PPP2R5A: variants seen among roughly 807,000 people sequenced by gnomAD.
The protein encoded by PPP2R5A is protein phosphatase 2 regulatory subunit B'alpha.
PPP2R5A carries 25 observed loss-of-function variants against 64.2 expected under a neutral mutation model. The observed-to-expected ratio is 0.39, with a 90% CI of 0.28 to 0.54. The LOEUF is 0.54. Ranked by LOEUF, PPP2R5A falls within the 20% of genes least tolerant of loss-of-function variation. The pLI is 0.67. For synonymous variants in PPP2R5A, 198 were observed against 201.2 expected (o/e 0.98, Z 0.13); for missense variants, 425 against 576.3 (o/e 0.74, Z 2.69).
chr1:212,333,608 A>C lies in PPP2R5A; in HGVS notation c.480+10A>C. The C allele has an allele frequency of 7.1e-7, 1 of 1,418,406 alleles. No individual in the cohort carries two copies. The highest frequency in any genetic ancestry group is 9.6e-7 in the Non-Finnish European group (1 of 1,042,316). 87.9% of individuals were successfully genotyped at this position (1,418,406 alleles called of 1,614,324 possible). On this transcript the variant is annotated intron_variant, in intron 3 of 12. Transcript: ENST00000261461. The stretch of plus-strand genomic sequence containing the variant: ...TTGGCCTCACATACAGGTATGGAAC[A>C]TAATTACGTATTGGCAGTTTTTATA...
chr1:212,289,862 G>C (rs367632168), intron 1 of PPP2R5A, among the ~76,000 whole-genome samples: 1 of 152,158 alleles, frequency 6.6e-6, no homozygotes, highest in African/African-American at 2.4e-5. Flanking sequence ...TATGATTTAT[G>C]TGATCTGAAG....
chr1:212,330,606 T>C (rs549761428), intron 2 of PPP2R5A, among the ~76,000 whole-genome samples: 1 of 151,742 alleles, frequency 6.6e-6, no homozygotes, highest in East Asian at 1.9e-4. Flanking sequence ...GAGTACATAA[T>C]TTAAACTTAG....
At chr1:212,332,640 A>G (rs545650991) in intron 2 of PPP2R5A, among the ~76,000 whole-genome samples, 1 of 152,308 alleles carries the variant, frequency 6.6e-6, no homozygotes, top group East Asian at 1.9e-4. Flanking sequence ...TTATAAACAC[A>G]TTTATATTAA....
chr1:212,308,889 A>G (rs1248186959), intron 1 of PPP2R5A, among the ~76,000 whole-genome samples: 3 of 151,806 alleles, frequency 2.0e-5, no homozygotes, highest in Admixed American at 6.6e-5. Flanking sequence ...TTTTGCTATT[A>G]TGTTTTTCAA....
chr1:212,360,298 A>C lies in PPP2R5A; in HGVS notation c.1329-340A>C, dbSNP rs753549547. 5.9e-5 allele frequency among the ~76,000 whole-genome samples: 9 copies of C among 152,186 alleles called. 1 individual carries two copies. Among genetic ancestry groups the C allele is most frequent in the Non-Finnish European group, 2.9e-5 (2 of 68,034 alleles). On this transcript the variant is annotated intron_variant, in intron 12 of 12. Transcript: ENST00000261461. Reference sequence around the variant, plus strand: ...AGTGGCCAGCCCCTTCAGCCTTTGTAATACTGATTAGACTACTACAACTGC... The same window carrying C: ...AGTGGCCAGCCCCTTCAGCCTTTGTCATACTGATTAGACTACTACAACTGC...
chr1:212,309,252 C>G (rs958786883), intron 1 of PPP2R5A: 46 of 1,508,610 alleles, frequency 3.0e-5, no homozygotes, highest in Admixed American at 2.8e-4. Flanking sequence ...TGTCTTCTAT[C>G]TTCTTCATGG....
chr1:212,332,886 CTTTT>C (rs781107376), intron 2 of PPP2R5A, among the ~76,000 whole-genome samples: 1 of 151,728 alleles, frequency 6.6e-6, no homozygotes, highest in African/African-American at 2.4e-5. Flanking sequence ...TCCCTTCTTT[CTTTT>C]TTATTTTTTT....
At chr1:212,352,090 C>G (rs556215423) in intron 8 of PPP2R5A, among the ~76,000 whole-genome samples, 1 of 151,672 alleles carries the variant, frequency 6.6e-6, no homozygotes, top group African/African-American at 2.4e-5. Flanking sequence ...GTGGCACCAT[C>G]TCGGCTCACT....
At chr1:212,321,472 G>C (rs1004222660) in intron 1 of PPP2R5A, among the ~76,000 whole-genome samples, 7 of 149,942 alleles carry the variant, frequency 4.7e-5, no homozygotes, top group African/African-American at 1.8e-4. Flanking sequence ...CTTCTCAGAC[G>C]GTGTGGCTGC....
intron 1 of PPP2R5A, among the ~76,000 whole-genome samples, chr1:212,288,712 T>C (rs1243253214): frequency 6.6e-6 from 1 of 152,174 alleles, no homozygotes; most frequent in Non-Finnish European, 1.5e-5. Flanking sequence ...CCAGTGGTAG[T>C]TTTTTCCATT....
intron 4 of PPP2R5A, among the ~76,000 whole-genome samples, chr1:212,344,901 C>T (rs1412681027): frequency 1.3e-5 from 2 of 152,088 alleles, no homozygotes; most frequent in South Asian, 2.1e-4. Context: ...TAGTGGCTCA[C>T]GCCTATAATC....
chr1:212,320,601 G>A (rs552055742), intron 1 of PPP2R5A, among the ~76,000 whole-genome samples: 7 of 147,760 alleles, frequency 4.7e-5, no homozygotes, highest in East Asian at 2.1e-4. Flanking sequence ...CCTCCCGGAC[G>A]GGGCAGCTGG....
chr1:212,311,392 C>T (rs1225185207), intron 1 of PPP2R5A, among the ~76,000 whole-genome samples: 3 of 151,908 alleles, frequency 2.0e-5, no homozygotes, highest in Non-Finnish European at 4.4e-5. Context: ...TGGCATGAAC[C>T]CGGGAGGCGG....
Position 212,356,517 on chromosome 1 carries a change from A to T in PPP2R5A, c.928-109A>T, listed in dbSNP as rs141257334. ...TCTATTTATACACATATATTAAGCAATATTGATTTACTTCAGAATGAGTGT... is the reference window on the plus strand; with the variant it reads ...TCTATTTATACACATATATTAAGCATTATTGATTTACTTCAGAATGAGTGT... On this transcript the variant is annotated intron_variant, in intron 8 of 12. Coordinates refer to ENST00000261461, the MANE Select transcript of PPP2R5A (RefSeq NM_006243.4). The T allele has an allele frequency of 2.3e-4, 226 of 987,092 alleles. 2 individuals carry two copies. The African/African-American group carries it at 3.3e-3, about 15-fold the overall frequency. The allele number at this position is 987,092 out of a possible 1,614,324, so 61.1% of individuals were successfully genotyped here.
At chr1:212,334,518 A>C (rs1396926541) in intron 3 of PPP2R5A, among the ~76,000 whole-genome samples, 1 of 152,098 alleles carries the variant, frequency 6.6e-6, no homozygotes, top group African/African-American at 2.4e-5. Flanking sequence ...GGTTTCGAAC[A>C]CCTGAGCTCA....
At chr1:212,309,894 C>T (rs1558142872) in intron 1 of PPP2R5A, among the ~76,000 whole-genome samples, 1 of 152,160 alleles carries the variant, frequency 6.6e-6, no homozygotes, top group African/African-American at 2.4e-5. Flanking sequence ...TCCTCACATC[C>T]TAAGGGTTGG....
At chr1:212,335,599 C>G (rs751412566) in intron 3 of PPP2R5A, among the ~76,000 whole-genome samples, 12 of 152,066 alleles carry the variant, frequency 7.9e-5, no homozygotes, top group Admixed American at 7.9e-4. Context: ...CCTATACATC[C>G]AAATAAAATG....
chr1:212,298,837 C>T (rs1458012238), intron 1 of PPP2R5A, among the ~76,000 whole-genome samples: 2 of 34,916 alleles, frequency 5.7e-5, no homozygotes, highest in Admixed American at 2.2e-4. Context: ...CGGGCAGAGG[C>T]GCCCCTCACC....
rs549522816 is a variant in PPP2R5A at position 212,353,617 on chromosome 1, C to T, written c.928-3009C>T. On this transcript the variant is annotated intron_variant, in intron 8 of 12. Transcript: ENST00000261461. Reference sequence around the variant, plus strand: ...GATACTCATATATATCTTTTCTCTCCATTTCTTTGCCAATATAATCTTGTT... The same window carrying T: ...GATACTCATATATATCTTTTCTCTCTATTTCTTTGCCAATATAATCTTGTT... Among the ~76,000 whole-genome samples the T allele has an allele frequency of 5.9e-5, 9 of 152,174 alleles. No individual in the cohort carries two copies. The East Asian group carries it at 1.7e-3, about 29-fold the overall frequency.
Sources: gnomAD v4.1 joint callset for allele counts (sites outside exome capture counted in the v4.1 genomes callset) on GRCh38, gnomAD v4.1.1 for gene constraint, MANE v1.5 for transcripts, NCBI Gene and HGNC (gene_info 2026-07-23, HGNC 2026-07-21) for gene names.